The following KBTBD11 variants were observed in gnomAD, a reference collection of about 807,000 sequenced individuals.
KBTBD11 encodes kelch repeat and BTB domain containing 11.
For missense variants in KBTBD11, 1,390 were observed against 1,001.8 expected, an observed-to-expected ratio of 1.39 and a Z score of -5.23; for synonymous variants, 747 against 499.0, an observed-to-expected ratio of 1.50 and a Z score of -6.63.
intron 1 of KBTBD11, among the ~76,000 whole-genome samples, chr8:1,975,738 C>T (rs1402595712): frequency 2.6e-5 from 4 of 152,234 alleles, no homozygotes; most frequent in Non-Finnish European, 5.9e-5. Flanking sequence ...TCCCAGGGAG[C>T]AGGACTCTGT....
chr8:1,974,317 G>T, intron 1 of KBTBD11: 4 of 984,478 alleles, frequency 4.1e-6, no homozygotes, highest in Non-Finnish European at 4.8e-6. Flanking sequence ...AGCCGCCCGC[G>T]CCGCGCCCGC....
Position 2,002,829 on chromosome 8 carries a change from G to C in KBTBD11, c.1637G>C (p.Gly546Ala). Reference protein sequence around the residue: ...PCVAPLRLPGGPTGLQPFRCA... With the variant: ...PCVAPLRLPGAPTGLQPFRCA... ...GTCGCGCCCCTGCGCCTCCCCGGCG[G>C]CCCCACGGGCCTGCAGCCCTTCCGC... The change falls in exon 2 of 2, where the codon GGC becomes GCC. Residue 546 changes from glycine (G) to alanine (A), a missense_variant. Gly to Ala is a moderately conservative substitution (Grantham distance 60). Coordinates refer to ENST00000320248, the MANE Select transcript of KBTBD11 (RefSeq NM_014867.3). This position sits in a 1 kb window ranked among gnomAD's most constrained non-coding sequence, Gnocchi z 4.1. The C allele has an allele frequency of 2.8e-6, 4 of 1,424,720 alleles. No homozygotes were observed. The highest frequency in any genetic ancestry group is 2.9e-5 in the South Asian group (2 of 68,902). 88.3% of individuals were successfully genotyped at this position (1,424,720 alleles called of 1,614,324 possible).
Position 1,973,695 on chromosome 8 carries a change from T to G in KBTBD11, c.-1149T>G. ...CCTCCCCGCGCCCCGCGCGCGCCCC[T>G]CGCAGCCTGGAGCCGGAGCGCTGGC... On this transcript the variant is annotated 5_prime_UTR_variant, in exon 1 of 2. Coordinates refer to ENST00000320248, the MANE Select transcript of KBTBD11 (RefSeq NM_014867.3). 1 of 983,036 alleles carries G rather than the reference T, an allele frequency of 1.0e-6. No individual in the cohort carries two copies. The allele number at this position is 983,036 out of a possible 1,614,324, so 60.9% of individuals were successfully genotyped here.
At chr8:1,987,529 C>A (rs904189544) in intron 1 of KBTBD11, among the ~76,000 whole-genome samples, 2 of 152,074 alleles carry the variant, frequency 1.3e-5, no homozygotes, top group African/African-American at 4.8e-5. Flanking sequence ...CTTGTGCTGC[C>A]CCCACCAGAC....
chr8:1,974,679 AC>A, intron 1 of KBTBD11: 1 of 984,752 alleles, frequency 1.0e-6, no homozygotes, highest in Non-Finnish European at 1.2e-6. Context: ...TGCTGGGGAG[AC>A]CCCCGGGCGG....
rs1199945508 is a variant in KBTBD11 at position 2,000,635 on chromosome 8, C to G, written c.-558C>G. On this transcript the variant is annotated 5_prime_UTR_variant, in exon 2 of 2. Transcript: ENST00000320248. The stretch of plus-strand genomic sequence containing the variant: ...TGGGGCCACAGCCGGTCTCAGCTTT[C>G]TGTGTTCTGGGGGCGCGGTGATATG... 6.5e-6 allele frequency: 1 copy of G among 152,756 alleles called. No individual in the cohort carries two copies. Among genetic ancestry groups the G allele is most frequent in the Non-Finnish European group, 1.5e-5 (1 of 68,448 alleles). The allele number at this position is 152,756 out of a possible 1,614,324, so 9.5% of individuals were successfully genotyped here.
chr8:1,974,519 G>T (rs1816254263), intron 1 of KBTBD11: 2 of 985,088 alleles, frequency 2.0e-6, no homozygotes, highest in South Asian at 9.4e-5. Context: ...GGGGAGGGGA[G>T]CGCGGCCCTT....
Position 1,988,816 on chromosome 8 carries a change from C to T in KBTBD11, c.-908-11469C>T, listed in dbSNP as rs138178744. 3.5e-3 allele frequency among the ~76,000 whole-genome samples: 528 copies of T among 151,860 alleles called. 8 individuals are homozygous for T. Among genetic ancestry groups the T allele is most frequent in the South Asian group, 1.2e-3 (6 of 4,824 alleles). ...GCTGTCTGGCACATTGTAAATACTTCATATATGTCTGCTAAGTAAATGAGC... is the reference window on the plus strand; with the variant it reads ...GCTGTCTGGCACATTGTAAATACTTTATATATGTCTGCTAAGTAAATGAGC... On this transcript the variant is annotated intron_variant, in intron 1 of 1. Coordinates refer to ENST00000320248, the MANE Select transcript of KBTBD11 (RefSeq NM_014867.3).
intron 1 of KBTBD11, among the ~76,000 whole-genome samples, chr8:1,976,847 C>G (rs912127755): frequency 6.6e-6 from 1 of 152,102 alleles, no homozygotes; most frequent in South Asian, 2.1e-4. Flanking sequence ...TTTGCGGGAA[C>G]ATTGTGTGCA....
chr8:1,983,974 A>G (rs2129310241), intron 1 of KBTBD11, among the ~76,000 whole-genome samples: 1 of 151,908 alleles, frequency 6.6e-6, no homozygotes, highest in South Asian at 2.1e-4. Context: ...TACTAAAAAT[A>G]CAAAAATTAG....
chr8:2,005,605 G>A lies in KBTBD11; in HGVS notation c.*2541G>A, dbSNP rs537754831. 3.0e-5 allele frequency: 5 copies of A among 167,212 alleles called. No individual in the cohort carries two copies. Among genetic ancestry groups the A allele is most frequent in the African/African-American group, 9.6e-5 (4 of 41,590 alleles). 10.4% of individuals were successfully genotyped at this position (167,212 alleles called of 1,614,324 possible). Reference sequence around the variant, plus strand: ...AGGACCTTTTCCAATTCAAAGTGGTGTTCTAAGTCTGCGTCCAACACTGTG... The same window carrying A: ...AGGACCTTTTCCAATTCAAAGTGGTATTCTAAGTCTGCGTCCAACACTGTG... On this transcript the variant is annotated 3_prime_UTR_variant, in exon 2 of 2. Coordinates refer to ENST00000320248, the MANE Select transcript of KBTBD11 (RefSeq NM_014867.3).
chr8:1,974,276 G>C (rs1433491724), intron 1 of KBTBD11: 1 of 982,122 alleles, frequency 1.0e-6, no homozygotes, highest in Non-Finnish European at 1.2e-6. Context: ...GCCCTCCCCC[G>C]GGACGCGGCA....
In KBTBD11 at chr8:2,000,326, C is replaced by T. The variant is rs956304203; in HGVS notation, c.-867C>T. On this transcript the variant is annotated 5_prime_UTR_variant, in exon 2 of 2. Coordinates refer to ENST00000320248, the MANE Select transcript of KBTBD11 (RefSeq NM_014867.3). The stretch of plus-strand genomic sequence containing the variant: ...AGAGGACGCGGAAACACCTGATATC[C>T]CAGCAAAGGAAGCTGCAGAGGAAGG... 1.3e-5 allele frequency: 2 copies of T among 152,302 alleles called. No individual in the cohort carries two copies. The highest frequency in any genetic ancestry group is 3.4e-3 in the Middle Eastern group (1 of 294). 9.4% of individuals were successfully genotyped at this position (152,302 alleles called of 1,614,324 possible).
intron 1 of KBTBD11, among the ~76,000 whole-genome samples, chr8:1,998,187 C>T (rs1817214432): frequency 6.6e-6 from 1 of 152,066 alleles, no homozygotes; most frequent in Non-Finnish European, 1.5e-5. Context: ...TGCAAGTATT[C>T]CAAAATTCAA....
chr8:1,986,538 A>G (rs961808817), intron 1 of KBTBD11, among the ~76,000 whole-genome samples: 1 of 152,204 alleles, frequency 6.6e-6, no homozygotes, highest in African/African-American at 2.4e-5. Flanking sequence ...TTTAAAAAGG[A>G]CAAAACACGA....
intron 1 of KBTBD11, among the ~76,000 whole-genome samples, chr8:1,980,809 A>G (rs1454221573): frequency 6.6e-6 from 1 of 152,232 alleles, no homozygotes; most frequent in Non-Finnish European, 1.5e-5. Flanking sequence ...GCGAGAGCAG[A>G]TGAATGCCTT....
At chr8:2,000,047 T>C (rs1463042966) in intron 1 of KBTBD11, among the ~76,000 whole-genome samples, 1 of 152,126 alleles carries the variant, frequency 6.6e-6, no homozygotes, top group Non-Finnish European at 1.5e-5. Flanking sequence ...TGAACTGGAC[T>C]CTCCTGAGTC....
chr8:2,002,503 C>G lies in KBTBD11; in HGVS notation c.1311C>G (p.Pro437=). The change falls in exon 2 of 2, where the codon CCC becomes CCG. Residue 437 remains proline, a synonymous_variant. Transcript: ENST00000320248. This position sits in a 1 kb window ranked among gnomAD's most constrained non-coding sequence, Gnocchi z 4.1. ...RYDPRADRWA[P]VAPLPRGAFA... is the part of the protein sequence containing the mutation. ...ACCCGCGCGCCGACCGCTGGGCCCCCGTGGCGCCGCTGCCCCGGGGCGCCT... is the reference window on the plus strand; with the variant it reads ...ACCCGCGCGCCGACCGCTGGGCCCCGGTGGCGCCGCTGCCCCGGGGCGCCT... 1.3e-6 allele frequency: 2 copies of G among 1,512,768 alleles called. No homozygotes were observed. Among genetic ancestry groups the G allele is most frequent in the Middle Eastern group, 4.2e-4 (2 of 4,720 alleles). 93.7% of individuals were successfully genotyped at this position (1,512,768 alleles called of 1,614,324 possible). A position where few individuals can be genotyped will look rare whatever the true frequency, so the allele number is the denominator to read the frequency against.
rs1353203242 is a variant in KBTBD11 at position 1,987,014 on chromosome 8, A to G, written c.-909+13079A>G. On this transcript the variant is annotated intron_variant, in intron 1 of 1. Transcript: ENST00000320248. ...AGTGAGACCCTATCTCTCCAAAAAA[A>G]AAAAAAAAAAAAAAAAAAACCACGC... 4.1e-5 allele frequency among the ~76,000 whole-genome samples: 5 copies of G among 121,282 alleles called. No individual in the cohort carries two copies. In the East Asian group the frequency reaches 7.8e-4, roughly 19 times the overall value. The allele number at this position is 121,282 out of a possible 152,430, so 79.6% of individuals were successfully genotyped here.
Sources: gnomAD v4.1 joint callset for allele counts (sites outside exome capture counted in the v4.1 genomes callset) on GRCh38, gnomAD v4.1.1 for gene constraint, Gnocchi (gnomAD v3.1) non-coding constraint, MANE v1.5 for transcripts, NCBI Gene and HGNC (gene_info 2026-07-23, HGNC 2026-07-21) for gene names.